The following LINGO2 variants were observed in gnomAD, a reference collection of about 807,000 sequenced individuals.
The protein encoded by LINGO2 is leucine-rich repeat and immunoglobulin-like domain-containing nogo receptor-interacting protein 2.
In LINGO2, 14 loss-of-function variants were observed where a neutral mutation model predicts 30.6. The observed-to-expected ratio is 0.46, with a 90% CI of 0.30 to 0.72. LINGO2 has a LOEUF of 0.72. Among genes scored for constraint, LINGO2 ranks in the 30% least tolerant of loss-of-function variants. The pLI, the probability that LINGO2 is intolerant of heterozygous loss-of-function variation, is 0.07. For missense variants in LINGO2, 729 were observed against 751.7 expected, an observed-to-expected ratio of 0.97 and a Z score of 0.35; for synonymous variants, 317 against 288.5, an observed-to-expected ratio of 1.10 and a Z score of -1.00.
the LINGO2 span, among the ~76,000 whole-genome samples, chr9:28,909,066 A>G: frequency 1.3e-5 from 2 of 151,980 alleles, no homozygotes; most frequent in African/African-American, 4.8e-5. Context: ...TGTTTAGATT[A>G]TAAGCATCTT....
chr9:28,747,429 T>C, the LINGO2 span, among the ~76,000 whole-genome samples: 1 of 151,998 alleles, frequency 6.6e-6, no homozygotes, highest in African/African-American at 2.4e-5. Flanking sequence ...TTCCTGGACG[T>C]TGGACAAAGA....
chr9:28,929,502 C>T, the LINGO2 span, among the ~76,000 whole-genome samples: 1 of 152,070 alleles, frequency 6.6e-6, no homozygotes, highest in Non-Finnish European at 1.5e-5. Context: ...TGACAGTTAC[C>T]CAGAAAATGG....
intron 4 of LINGO2, among the ~76,000 whole-genome samples, chr9:28,209,335 T>G (rs2068930): frequency 0.11 from 16,488 of 151,944 alleles, 968 homozygotes; most frequent in Middle Eastern, 0.15. Flanking sequence ...TCTGTCTCCA[T>G]TGGAGTCATC....
At chr9:28,172,911 T>C (rs907040580) in intron 4 of LINGO2, among the ~76,000 whole-genome samples, 1 of 152,170 alleles carries the variant, frequency 6.6e-6, no homozygotes, top group Non-Finnish European at 1.5e-5. Flanking sequence ...CTTTTCATCA[T>C]TGATGGACTG....
At chr9:28,908,140 T>TAC in the LINGO2 span, among the ~76,000 whole-genome samples, 18 of 92,960 alleles carry the variant, frequency 1.9e-4, no homozygotes, top group South Asian at 9.2e-4. Context: ...TGGGAAGCTA[T>TAC]ACACACACAC....
chr9:28,366,175 CT>C (rs929890420), intron 3 of LINGO2, among the ~76,000 whole-genome samples: 3 of 152,162 alleles, frequency 2.0e-5, no homozygotes, highest in African/African-American at 7.2e-5. Context: ...GCTTGCTTCC[CT>C]GGTGGTTGTT....
the LINGO2 span, among the ~76,000 whole-genome samples, chr9:28,764,101 G>T: frequency 6.6e-6 from 1 of 150,910 alleles, no homozygotes; most frequent in African/African-American, 2.5e-5. Flanking sequence ...AAAATCGGAA[G>T]AAGATTTAAT....
chr9:29,130,005 G>A, the LINGO2 span, among the ~76,000 whole-genome samples: 1 of 152,152 alleles, frequency 6.6e-6, no homozygotes, highest in Admixed American at 6.6e-5. Flanking sequence ...GCATAGGAAT[G>A]TGGAATTCTT....
At chr9:29,059,836 G>A in the LINGO2 span, among the ~76,000 whole-genome samples, 575 of 152,088 alleles carry the variant, frequency 3.8e-3, 5 homozygotes, top group African/African-American at 0.013. Flanking sequence ...TAATGTTTGA[G>A]TCATAAAAAA....
intron 3 of LINGO2, among the ~76,000 whole-genome samples, chr9:28,366,421 T>C (rs1820680181): frequency 6.6e-6 from 1 of 152,226 alleles, no homozygotes; most frequent in Non-Finnish European, 1.5e-5. Flanking sequence ...GAGCTGGATA[T>C]GTTTTCTTGA....
At chr9:29,103,553 T>C in the LINGO2 span, among the ~76,000 whole-genome samples, 1 of 152,038 alleles carries the variant, frequency 6.6e-6, no homozygotes, top group East Asian at 1.9e-4. Flanking sequence ...TTAAAATGTA[T>C]ATTTTTAAAT....
chr9:28,433,949 C>CTCTCTCTCTCTATATATATATA (rs1225323260), intron 2 of LINGO2, among the ~76,000 whole-genome samples: 20 of 88,526 alleles, frequency 2.3e-4, no homozygotes, highest in African/African-American at 8.1e-4. Flanking sequence ...CTCTCTCTCT[C>CTCTCTCTCTCTATATATATATA]TATATATATA....
the LINGO2 span, among the ~76,000 whole-genome samples, chr9:29,110,198 C>T: frequency 6.6e-6 from 1 of 152,168 alleles, no homozygotes; most frequent in East Asian, 1.9e-4. Context: ...ATGTAACTGG[C>T]CCTTCTAAGA....
chr9:28,275,943 C>A (rs1420764699), intron 4 of LINGO2, among the ~76,000 whole-genome samples: 1 of 152,108 alleles, frequency 6.6e-6, no homozygotes, highest in Non-Finnish European at 1.5e-5. Flanking sequence ...ATCATTTGAT[C>A]TGGAGTTCTG....
At chr9:28,623,810 A>G (rs1368946490) in intron 1 of LINGO2, among the ~76,000 whole-genome samples, 1 of 152,088 alleles carries the variant, frequency 6.6e-6, no homozygotes, top group African/African-American at 2.4e-5. Flanking sequence ...AACAACATTC[A>G]TTCTTCCAAT....
intron 1 of LINGO2, among the ~76,000 whole-genome samples, chr9:28,603,791 G>C (rs1825589887): frequency 6.6e-6 from 1 of 151,950 alleles, no homozygotes; most frequent in Non-Finnish European, 1.5e-5. Context: ...TTATTCTTTG[G>C]CATAGTTCCT....
intron 4 of LINGO2, among the ~76,000 whole-genome samples, chr9:28,276,306 G>T (rs1823112290): frequency 3.3e-5 from 5 of 151,972 alleles, no homozygotes; most frequent in Admixed American, 3.3e-4. Flanking sequence ...CTCCCATATG[G>T]ACCACACATA....
chr9:28,803,125 TG>T, the LINGO2 span, among the ~76,000 whole-genome samples: 1 of 152,096 alleles, frequency 6.6e-6, no homozygotes, highest in Non-Finnish European at 1.5e-5. Context: ...GATCTTGTTA[TG>T]GGGCTATGCA....
At chr9:28,172,029 A>AAAC (rs1828606913) in intron 4 of LINGO2, among the ~76,000 whole-genome samples, 1 of 100,002 alleles carries the variant, frequency 1.0e-5, no homozygotes, top group Non-Finnish European at 1.9e-5. Context: ...AAAAAAAAAA[A>AAAC]AAAACAAAAA....
Sources: allele counts gnomAD v4.1 joint callset (sites outside exome capture counted in the v4.1 genomes callset), GRCh38; gene constraint gnomAD v4.1.1; transcripts MANE v1.5; gene names NCBI Gene and HGNC (gene_info 2026-07-23, HGNC 2026-07-21).